Variants in ANKS1B observed in about 807,000 individuals in gnomAD.
ANKS1B encodes the protein ankyrin repeat and sterile alpha motif domain-containing protein 1B.
Under a neutral mutation model 148.3 loss-of-function variants are expected in ANKS1B, and 36 were observed. The observed-to-expected ratio is 0.24, with a 90% confidence interval of 0.19 to 0.32. The LOEUF (loss-of-function observed/expected upper bound fraction) is 0.32. Ranked by LOEUF, ANKS1B falls within the 10% of genes least tolerant of loss-of-function variation. The pLI, the probability that ANKS1B is intolerant of heterozygous loss-of-function variation, is 1.00. For synonymous variants in ANKS1B, 542 were observed against 560.8 expected (o/e 0.97, Z 0.47); for missense variants, 1,157 against 1,542.6 (o/e 0.75, Z 4.19).
At chr12:99,502,387 A>G (rs2096664317) in intron 10 of ANKS1B, among the ~76,000 whole-genome samples, 1 of 152,084 alleles carries the variant, frequency 6.6e-6, no homozygotes, top group Non-Finnish European at 1.5e-5. Context: ...CCTTCATCCA[A>G]ACTCTGATGC....
intron 15 of ANKS1B, among the ~76,000 whole-genome samples, chr12:99,094,845 AT>A (rs2055373459): frequency 1.3e-5 from 2 of 152,228 alleles, no homozygotes; most frequent in Non-Finnish European, 2.9e-5. Context: ...ATTGAAGGAA[AT>A]ATACTAATTT....
At chr12:99,134,202 T>G (rs930747005) in intron 15 of ANKS1B, among the ~76,000 whole-genome samples, 4 of 152,210 alleles carry the variant, frequency 2.6e-5, no homozygotes, top group Non-Finnish European at 4.4e-5. Context: ...AGATGTGTAC[T>G]GAGCCCATTG....
At chr12:99,427,225 T>C (rs1233164918) in intron 11 of ANKS1B, among the ~76,000 whole-genome samples, 1 of 152,168 alleles carries the variant, frequency 6.6e-6, no homozygotes, top group Non-Finnish European at 1.5e-5. Context: ...CACCCTTCAG[T>C]GGCTTCTAAT....
In ANKS1B at chr12:99,945,848, C is replaced by T. The variant is rs909011713; in HGVS notation, c.134+38256G>A. On this transcript the variant is annotated intron_variant, in intron 1 of 26. Transcript: ENST00000683438. ...ACATCATAACTGATGTTCACCAATA[C>T]GTGGTTCTCCTCTAGTTCTGCCCAA... Among the ~76,000 whole-genome samples, 8 of 152,196 alleles carry T rather than the reference C, an allele frequency of 5.3e-5. No individual in the cohort carries two copies. In the South Asian group the frequency reaches 6.2e-4, roughly 12 times the overall value.
chr12:98,940,996 C>T (rs1277059980), intron 17 of ANKS1B, among the ~76,000 whole-genome samples: 2 of 152,034 alleles, frequency 1.3e-5, no homozygotes, highest in African/African-American at 4.8e-5. Context: ...TCTTACTATT[C>T]ATGGTAGTTA....
chr12:99,520,377 C>G (rs984620354), intron 9 of ANKS1B, among the ~76,000 whole-genome samples: 1 of 152,090 alleles, frequency 6.6e-6, no homozygotes, highest in Non-Finnish European at 1.5e-5. Flanking sequence ...TTCCTTCAGC[C>G]GTTTAAATAT....
chr12:99,660,666 A>G (rs1270169329), intron 8 of ANKS1B, among the ~76,000 whole-genome samples: 1 of 152,008 alleles, frequency 6.6e-6, no homozygotes, highest in Non-Finnish European at 1.5e-5. Flanking sequence ...CCTGGCCTAA[A>G]CTTTCTAAGT....
intron 9 of ANKS1B, among the ~76,000 whole-genome samples, chr12:99,538,286 T>G (rs1344728504): frequency 6.6e-6 from 1 of 152,164 alleles, no homozygotes; most frequent in Non-Finnish European, 1.5e-5. Flanking sequence ...TTTTCCTATT[T>G]CTGTGAAGAA....
chr12:98,880,952 A>AT (rs2152506278), intron 17 of ANKS1B, among the ~76,000 whole-genome samples: 1 of 152,246 alleles, frequency 6.6e-6, no homozygotes, highest in African/African-American at 2.4e-5. Flanking sequence ...CCGAAAAAAA[A>AT]TTTTGAATGG....
chr12:98,959,210 A>G (rs1042108637), intron 17 of ANKS1B, among the ~76,000 whole-genome samples: 35 of 152,352 alleles, frequency 2.3e-4, no homozygotes, highest in African/African-American at 8.4e-4. Flanking sequence ...ATTAAATGCC[A>G]GGATATGGGC....
intron 17 of ANKS1B, chr12:98,894,526 A>G (rs1010543900): frequency 2.1e-6 from 2 of 970,728 alleles, no homozygotes; most frequent in Non-Finnish European, 1.2e-6. Flanking sequence ...GGCTTGCCCG[A>G]CTCGGCTTCC....
chr12:99,108,309 C>T (rs1275945512), intron 15 of ANKS1B, among the ~76,000 whole-genome samples: 1 of 152,202 alleles, frequency 6.6e-6, no homozygotes, highest in East Asian at 1.9e-4. Flanking sequence ...CTCTCTCTGT[C>T]CAACTAGACT....
chr12:99,372,633 T>C (rs1181478512), intron 12 of ANKS1B, among the ~76,000 whole-genome samples: 1 of 152,066 alleles, frequency 6.6e-6, no homozygotes, highest in South Asian at 2.1e-4. Flanking sequence ...AATTGCTACA[T>C]ATTAGCTTCT....
intron 17 of ANKS1B, among the ~76,000 whole-genome samples, chr12:99,021,477 T>C (rs1029015536): frequency 5.3e-5 from 8 of 152,212 alleles, no homozygotes; most frequent in East Asian, 1.9e-4. Flanking sequence ...TTTGGGGGCA[T>C]GCTTAGAGGC....
chr12:99,289,774 A>G (rs1275236334), intron 12 of ANKS1B, among the ~76,000 whole-genome samples: 1 of 151,996 alleles, frequency 6.6e-6, no homozygotes, highest in Non-Finnish European at 1.5e-5. Context: ...TAAAAGCAGT[A>G]CTAGAGAAAA....
intron 20 of ANKS1B, among the ~76,000 whole-genome samples, chr12:98,806,122 T>C (rs867382675): frequency 2.0e-5 from 3 of 152,258 alleles, no homozygotes; most frequent in Non-Finnish European, 4.4e-5. Context: ...TCCACCCGCC[T>C]TGGCCTCCCA....
chr12:98,954,578 T>C (rs933841025), intron 17 of ANKS1B, among the ~76,000 whole-genome samples: 22 of 152,218 alleles, frequency 1.4e-4, no homozygotes, highest in African/African-American at 4.1e-4. Context: ...TGATGGTACA[T>C]GTAATTTCAC....
At chr12:99,834,393 T>C (rs1448098757) in intron 1 of ANKS1B, among the ~76,000 whole-genome samples, 2 of 152,208 alleles carry the variant, frequency 1.3e-5, no homozygotes, top group South Asian at 2.1e-4. Flanking sequence ...TCTTAAATTC[T>C]GTATGTGAGA....
chr12:99,944,729 A>G (rs1025968377), intron 1 of ANKS1B, among the ~76,000 whole-genome samples: 1 of 152,156 alleles, frequency 6.6e-6, no homozygotes. Flanking sequence ...ACTGAATCTG[A>G]AAAGTATTGT....
Sources: allele counts gnomAD v4.1 joint callset (sites outside exome capture counted in the v4.1 genomes callset), GRCh38; gene constraint gnomAD v4.1.1; transcripts MANE v1.5; gene names NCBI Gene and HGNC (gene_info 2026-07-23, HGNC 2026-07-21).